The following MGAT4C variants were observed in gnomAD, a reference collection of about 807,000 sequenced individuals.
The protein encoded by MGAT4C is alpha-1,3-mannosyl-glycoprotein 4-beta-N-acetylglucosaminyltransferase C.
A neutral mutation model predicts 40.1 loss-of-function variants in MGAT4C; 19 were observed. The ratio of observed to expected loss-of-function variants is 0.47; its 90% CI spans 0.33 to 0.70. MGAT4C has a LOEUF of 0.70. Among genes scored for constraint, MGAT4C ranks in the 30% least tolerant of loss-of-function variants. The pLI is 0.02. For synonymous variants in MGAT4C, 181 were observed against 187.1 expected, an observed-to-expected ratio of 0.97 and a Z score of 0.27; for missense variants, 491 against 563.2, an observed-to-expected ratio of 0.87 and a Z score of 1.30.
At chr12:86,705,601 A>C (rs1950443295) in intron 2 of MGAT4C, among the ~76,000 whole-genome samples, 1 of 152,150 alleles carries the variant, frequency 6.6e-6, no homozygotes, top group South Asian at 2.1e-4. Flanking sequence ...AATGTGCCTA[A>C]ATAAAAATCA....
intron 1 of MGAT4C, among the ~76,000 whole-genome samples, chr12:86,164,669 T>C (rs1273694858): frequency 6.6e-6 from 1 of 152,074 alleles, no homozygotes; most frequent in Non-Finnish European, 1.5e-5. Flanking sequence ...AGGGCAGAGA[T>C]AATTATGGGC....
At chr12:86,765,013 G>A (rs915984099) in intron 1 of MGAT4C, among the ~76,000 whole-genome samples, 24 of 152,328 alleles carry the variant, frequency 1.6e-4, no homozygotes, top group East Asian at 5.8e-4. Context: ...AAAGCTGGAC[G>A]GAGAATGACT....
chr12:86,419,120 A>C (rs1956776021), intron 3 of MGAT4C, among the ~76,000 whole-genome samples: 1 of 152,150 alleles, frequency 6.6e-6, no homozygotes, highest in Non-Finnish European at 1.5e-5. Flanking sequence ...AAAAAATATA[A>C]CATTATTTCT....
intron 1 of MGAT4C, among the ~76,000 whole-genome samples, chr12:86,196,230 C>G (rs1949795602): frequency 6.6e-6 from 1 of 152,204 alleles, no homozygotes; most frequent in Non-Finnish European, 1.5e-5. Flanking sequence ...GAGCTCTTGT[C>G]TCTTTACCAA....
At chr12:85,993,289 A>T (rs781775451) in intron 2 of MGAT4C, among the ~76,000 whole-genome samples, 13 of 152,200 alleles carry the variant, frequency 8.5e-5, no homozygotes, top group Admixed American at 1.3e-4. Context: ...TTTATATCTT[A>T]TATAGGGCCA....
At chr12:86,035,087 C>T (rs942102616) in intron 2 of MGAT4C, among the ~76,000 whole-genome samples, 2 of 149,986 alleles carry the variant, frequency 1.3e-5, no homozygotes, top group African/African-American at 4.8e-5. Context: ...CCTTTGGGTA[C>T]ATACCCAGTA....
chr12:86,612,477 C>T lies in MGAT4C; in HGVS notation c.-229+114732G>A, dbSNP rs7957540. Among the ~76,000 whole-genome samples, 782 of 152,072 alleles carry T rather than the reference C, an allele frequency of 5.1e-3. 5 individuals are homozygous for T. The highest frequency in any genetic ancestry group is 0.018 in the African/African-American group (746 of 41,510). On this transcript the variant is annotated intron_variant, in intron 2 of 7. Coordinates refer to the MGAT4C transcript ENST00000548651. The stretch of plus-strand genomic sequence containing the variant: ...TTAAAAAGTAGATGTGGGCCAGGCG[C>T]GGTGGCTCAAGCCTGTAATCCCAGC...
chr12:86,112,478 G>C (rs1877623987), intron 1 of MGAT4C, among the ~76,000 whole-genome samples: 1 of 151,608 alleles, frequency 6.6e-6, no homozygotes, highest in South Asian at 2.1e-4. Context: ...CATTTTCAGG[G>C]AAGCTTGATA....
At chr12:86,786,202 G>C (rs976671828) in intron 1 of MGAT4C, among the ~76,000 whole-genome samples, 1 of 152,096 alleles carries the variant, frequency 6.6e-6, no homozygotes, top group African/African-American at 2.4e-5. Context: ...AAAATGCAAT[G>C]TCGTAGATAC....
chr12:85,962,398 ATAAT>A lies in MGAT4C; in HGVS notation c.*16887_*16890del, dbSNP rs1883158143. ...ACAACATCCAATGAAGTAAAATTATATAATTAATTATATAATTATATAATTATAT... is the reference window on the plus strand; with the variant it reads ...ACAACATCCAATGAAGTAAAATTATATAATTATATAATTATATAATTATAT... On this transcript the variant is annotated 3_prime_UTR_variant, in exon 5 of 5. Coordinates refer to ENST00000611864, the MANE Select transcript of MGAT4C (RefSeq NM_001351288.2). The A allele has an allele frequency of 6.7e-6, 1 of 148,292 alleles. No homozygotes were observed. Among genetic ancestry groups the A allele is most frequent in the Non-Finnish European group, 1.5e-5 (1 of 67,024 alleles). The allele number at this position is 148,292 out of a possible 1,614,324, so 9.2% of individuals were successfully genotyped here.
chr12:86,016,613 A>G (rs2136843596), intron 2 of MGAT4C, among the ~76,000 whole-genome samples: 1 of 152,332 alleles, frequency 6.6e-6, no homozygotes, highest in East Asian at 1.9e-4. Context: ...CACAGAAGTA[A>G]AAACCAATCT....
intron 1 of MGAT4C, among the ~76,000 whole-genome samples, chr12:86,728,341 A>G (rs1950856985): frequency 6.6e-6 from 1 of 152,174 alleles, no homozygotes; most frequent in Admixed American, 6.5e-5. Context: ...GTCTTATTAT[A>G]GAAATGTTGG....
rs373404950 is a variant in MGAT4C at position 86,717,716 on chromosome 12, A to G, written c.-229+9493T>C. Reference sequence around the variant, plus strand: ...GAAATAAGAGGAAAAAAGTGCAAGAAATAAACACTCAAGGTGAGCCTCAAC... The same window carrying G: ...GAAATAAGAGGAAAAAAGTGCAAGAGATAAACACTCAAGGTGAGCCTCAAC... On this transcript the variant is annotated intron_variant, in intron 2 of 7. Transcript: ENST00000548651. 5.3e-5 allele frequency among the ~76,000 whole-genome samples: 8 copies of G among 152,312 alleles called. No individual in the cohort carries two copies. The East Asian group carries it at 1.4e-3, about 26-fold the overall frequency.
intron 2 of MGAT4C, among the ~76,000 whole-genome samples, chr12:86,637,128 G>C (rs1445426705): frequency 1.3e-5 from 2 of 151,874 alleles, no homozygotes; most frequent in African/African-American, 4.8e-5. Flanking sequence ...GTACAGAAAT[G>C]AGTTCCAAAG....
Position 85,960,088 on chromosome 12 carries a change from G to C in MGAT4C, c.*19201C>G, listed in dbSNP as rs1289439282. The C allele has an allele frequency of 6.6e-6, 1 of 151,986 alleles. No homozygotes were observed. Among genetic ancestry groups the C allele is most frequent in the African/African-American group, 2.4e-5 (1 of 41,440 alleles). 9.4% of individuals were successfully genotyped at this position (151,986 alleles called of 1,614,324 possible). ...TTGATTAGAGTCTAATTTTTGGAAA[G>C]TATACTTCGCCTTTTCAGTAATTTT... On this transcript the variant is annotated 3_prime_UTR_variant, in exon 5 of 5. Coordinates refer to ENST00000611864, the MANE Select transcript of MGAT4C (RefSeq NM_001351288.2).
At chr12:86,775,311 TC>T (rs1380803046) in intron 1 of MGAT4C, among the ~76,000 whole-genome samples, 1 of 151,960 alleles carries the variant, frequency 6.6e-6, no homozygotes, top group Non-Finnish European at 1.5e-5. Context: ...CATAAGCACA[TC>T]CATCCATTTT....
Position 85,961,482 on chromosome 12 carries a change from AAAATTAT to A in MGAT4C, c.*17800_*17806del, listed in dbSNP as rs1883108623. The stretch of plus-strand genomic sequence containing the variant: ...AATCAAGATAATTATGTATATATAT[AAAATTAT>A]ATATGGTATAGTTTCAACTTCTAAT... On this transcript the variant is annotated 3_prime_UTR_variant, in exon 5 of 5. Transcript: ENST00000611864. 1 of 151,678 alleles carries A rather than the reference AAAATTAT, an allele frequency of 6.6e-6. No individual in the cohort carries two copies. The highest frequency in any genetic ancestry group is 2.1e-4 in the South Asian group (1 of 4,828). 9.4% of individuals were successfully genotyped at this position (151,678 alleles called of 1,614,324 possible). A position where few individuals can be genotyped will look rare whatever the true frequency, so the allele number is the denominator to read the frequency against.
chr12:85,968,806 G>GT lies in MGAT4C; in HGVS notation c.*10482dup, dbSNP rs1160230618. On this transcript the variant is annotated 3_prime_UTR_variant, in exon 5 of 5. Transcript: ENST00000611864. ...ATGGGTGAAATTCTTCCCCAGAGAT[G>GT]TTAATGAACAGCCAGACTTAAAAAC... 3.3e-5 allele frequency: 5 copies of GT among 151,850 alleles called. No individual in the cohort carries two copies. The highest frequency in any genetic ancestry group is 3.3e-4 in the Admixed American group (5 of 15,212). The allele number at this position is 151,850 out of a possible 1,614,324, so 9.4% of individuals were successfully genotyped here.
chr12:86,056,925 T>C (rs1893459000), intron 1 of MGAT4C, among the ~76,000 whole-genome samples: 1 of 142,416 alleles, frequency 7.0e-6, no homozygotes, highest in African/African-American at 2.6e-5. Context: ...ATGAATGATC[T>C]ATTTAAAGTG....
Sources: gnomAD v4.1 joint callset for allele counts (sites outside exome capture counted in the v4.1 genomes callset) on GRCh38, gnomAD v4.1.1 for gene constraint, MANE v1.5 for transcripts, NCBI Gene and HGNC (gene_info 2026-07-23, HGNC 2026-07-21) for gene names.